TNRC18: variants seen among roughly 807,000 people sequenced by gnomAD.
TNRC18 encodes trinucleotide repeat containing 18.
TNRC18 carries 69 observed loss-of-function variants against 226.7 expected under a neutral mutation model. That is an observed-to-expected ratio of 0.30 (90% CI 0.25 to 0.37). The LOEUF (loss-of-function observed/expected upper bound fraction) is 0.37, where lower values mean the gene tolerates loss of function less well. TNRC18 is among the 10% of genes least tolerant of loss of function. The pLI, the probability that TNRC18 is intolerant of heterozygous loss-of-function variation, is 1.00. For synonymous variants in TNRC18, 2,449 were observed against 1,927.6 expected (o/e 1.27, Z -7.09); for missense variants, 4,754 against 4,256.6 (o/e 1.12, Z -3.25).
Position 5,316,686 on chromosome 7 carries a change from G to A in TNRC18, c.6746-614C>T, listed in dbSNP as rs115552455. Among the ~76,000 whole-genome samples the A allele has an allele frequency of 7.5e-3, 1,142 of 152,304 alleles. 20 individuals are homozygous for A. The highest frequency in any genetic ancestry group is 0.026 in the African/African-American group (1,070 of 41,552). ...CCTGCAACCACAGCAAAGGAGGGAC[G>A]CAGGTGTCAACCCTGAAGGACACAA... On this transcript the variant is annotated intron_variant, in intron 24 of 29. Transcript: ENST00000430969.
chr7:5,377,591 A>G lies in TNRC18; in HGVS notation c.2256-15T>C, dbSNP rs1291546929. The G allele has an allele frequency of 6.4e-7, 1 of 1,564,720 alleles. No homozygotes were observed. The highest frequency in any genetic ancestry group is 2.4e-5 in the East Asian group (1 of 42,224). ...CCTTACTCTCTCTGGAAGGAGGATC[A>G]TAGGTGTCAGCGACAGCTCGGACAG... On this transcript the variant is annotated splice_polypyrimidine_tract_variant and intron_variant, in intron 6 of 29. Coordinates refer to ENST00000430969, the MANE Select transcript of TNRC18 (RefSeq NM_001080495.3). The surrounding 1 kb of genome is among the most constrained non-coding windows in gnomAD (Gnocchi z 5.8).
Position 5,323,224 on chromosome 7 carries a change from C to T in TNRC18, c.6442+990G>A, listed in dbSNP as rs561467583. ...GCTCCCCCATCCATACCCACGATTT[C>T]GCCTCTGGGCTACAGACCCCTGGGT... On this transcript the variant is annotated intron_variant, in intron 21 of 29. Coordinates refer to ENST00000430969, the MANE Select transcript of TNRC18 (RefSeq NM_001080495.3). 1.7e-3 allele frequency among the ~76,000 whole-genome samples: 264 copies of T among 152,234 alleles called. 1 individual carries two copies. The highest frequency in any genetic ancestry group is 3.2e-3 in the Non-Finnish European group (219 of 68,008).
At position 5,387,699 on chromosome 7, in the gene TNRC18, G is replaced by T; in HGVS notation, c.2125C>A (p.Arg709Ser). 1 of 1,605,174 alleles carries T rather than the reference G, an allele frequency of 6.2e-7. No homozygotes were observed. Among genetic ancestry groups the T allele is most frequent in the Non-Finnish European group, 8.5e-7 (1 of 1,179,842 alleles). The change falls in exon 5 of 30, where the codon CGC becomes AGC. Residue 709 changes from arginine (R) to serine (S), a missense_variant. Physicochemically the swap from Arg to Ser is moderately radical, Grantham distance 110. Coordinates refer to ENST00000430969, the MANE Select transcript of TNRC18 (RefSeq NM_001080495.3). ...TTGACGTTACTCAGCGACAGAGAGCGCTCCTGGTCTACCAGCCCAGGCCCC... is the reference window on the plus strand; with the variant it reads ...TTGACGTTACTCAGCGACAGAGAGCTCTCCTGGTCTACCAGCCCAGGCCCC... ...RLGPGLVDQE[R>S]SLSLSNVKGH...
chr7:5,393,240 T>TA (rs1454157307), intron 3 of TNRC18, among the ~76,000 whole-genome samples: 1 of 152,128 alleles, frequency 6.6e-6, no homozygotes, highest in Non-Finnish European at 1.5e-5. Context: ...CTTGGCTGGT[T>TA]AAAGTGGGAG....
In TNRC18 at chr7:5,390,622, G is replaced by C. The variant is rs200430639; in HGVS notation, c.350C>G (p.Ser117Cys). The C allele has an allele frequency of 2.4e-4, 375 of 1,569,280 alleles. No homozygotes were observed. The highest frequency in any genetic ancestry group is 3.1e-4 in the Non-Finnish European group (354 of 1,157,976). Residue 117 changes from serine to cysteine, a missense_variant, in exon 4 of 30, where the codon TCC becomes TGC. Physicochemically the swap from Ser to Cys is moderately radical, Grantham distance 112. Coordinates refer to ENST00000430969, the MANE Select transcript of TNRC18 (RefSeq NM_001080495.3). ...TGGGTACAGCCCACTGGGCAGGTGG[G>C]AGAAGCCTGTAACAGAAAAGAGAAA... ...LWAAHAHEGF[S>C]HLPSGLYPSY...
chr7:5,353,891 G>A (rs1792091036), intron 16 of TNRC18, among the ~76,000 whole-genome samples: 1 of 152,164 alleles, frequency 6.6e-6, no homozygotes, highest in African/African-American at 2.4e-5. Context: ...CAGGCACGAT[G>A]GAGTGAAGTT....
At chr7:5,342,690 T>C (rs1490460691) in intron 18 of TNRC18, among the ~76,000 whole-genome samples, 2 of 152,220 alleles carry the variant, frequency 1.3e-5, no homozygotes, top group East Asian at 3.8e-4. Flanking sequence ...CTGTGAACAC[T>C]GTTGAAATGA....
chr7:5,364,461 AAACACACACAC>A (rs796677864), intron 11 of TNRC18, among the ~76,000 whole-genome samples: 2,929 of 124,932 alleles, frequency 0.023, 74 homozygotes, highest in South Asian at 0.073. Flanking sequence ...GTCTCAAAGA[AAACACACACAC>A]ACACACACAC....
intron 17 of TNRC18, among the ~76,000 whole-genome samples, chr7:5,346,519 T>C (rs1022180815): frequency 3.3e-5 from 5 of 152,100 alleles, no homozygotes; most frequent in African/African-American, 1.2e-4. Context: ...TAAAATAAAG[T>C]TGACCCCAGC....
rs779388262 is a variant in TNRC18, at chr7:5,313,305, G to A, written c.7586C>T (p.Pro2529Leu). 6 of 1,548,722 alleles carry A rather than the reference G, an allele frequency of 3.9e-6. No homozygotes were observed. Among genetic ancestry groups the A allele is most frequent in the East Asian group, 4.9e-5 (2 of 40,928 alleles). Residue 2529 changes from proline to leucine, a missense_variant, in exon 27 of 30, where the codon CCC (proline) becomes CTC (leucine). Transcript: ENST00000430969. ...KATDGDLAQEPGPGLTFEDSG... is the reference protein window; with the variant it reads ...KATDGDLAQELGPGLTFEDSG... Reference sequence around the variant, plus strand: ...GTCCTCGAACGTGAGCCCCGGCCCGGGCTCCTGGGCGAGGTCCCCGTCGGT... The same window carrying A: ...GTCCTCGAACGTGAGCCCCGGCCCGAGCTCCTGGGCGAGGTCCCCGTCGGT...
At chr7:5,367,997 T>C (rs1793775737) in intron 11 of TNRC18, among the ~76,000 whole-genome samples, 1 of 148,808 alleles carries the variant, frequency 6.7e-6, no homozygotes, top group Non-Finnish European at 1.5e-5. Flanking sequence ...AAATCAGAGA[T>C]ACGGACAAAG....
Position 5,355,378 on chromosome 7 carries a change from A to T in TNRC18, c.5194+1538T>A, listed in dbSNP as rs141837071. 1.3e-3 allele frequency among the ~76,000 whole-genome samples: 195 copies of T among 152,352 alleles called. 2 individuals are homozygous for T. The highest frequency in any genetic ancestry group is 4.6e-3 in the African/African-American group (190 of 41,596). On this transcript the variant is annotated intron_variant, in intron 16 of 29. Coordinates refer to ENST00000430969, the MANE Select transcript of TNRC18 (RefSeq NM_001080495.3). ...CAAGGCAGCTCACGCCTGTAATCCC[A>T]GCACTTTGGGAGGCTGAGGCAGGAG...
intron 11 of TNRC18, among the ~76,000 whole-genome samples, chr7:5,366,010 G>T (rs1478431368): frequency 6.6e-6 from 1 of 152,166 alleles, no homozygotes; most frequent in Non-Finnish European, 1.5e-5. Context: ...GGCGGAGACT[G>T]CGGTGAGCCG....
chr7:5,330,657 A>G (rs1349829740), intron 19 of TNRC18, among the ~76,000 whole-genome samples: 2 of 152,070 alleles, frequency 1.3e-5, no homozygotes, highest in East Asian at 3.9e-4. Flanking sequence ...TGGGCCTACT[A>G]TGTGCTACCT....
chr7:5,394,691 C>G lies in TNRC18; in HGVS notation c.188-96G>C. ...CGACCCACCGCCCCGAGACCGCCGC[C>G]TCTCCCCAGCTGTGTGGAGCTGATG... On this transcript the variant is annotated intron_variant, in intron 2 of 29. Transcript: ENST00000430969. The surrounding 1 kb of genome is among the most constrained non-coding windows in gnomAD (Gnocchi z 4.5). 1 of 907,632 alleles carries G rather than the reference C, an allele frequency of 1.1e-6. No individual in the cohort carries two copies. Among genetic ancestry groups the G allele is most frequent in the South Asian group, 1.5e-5 (1 of 65,794 alleles). The allele number at this position is 907,632 out of a possible 1,614,324, so 56.2% of individuals were successfully genotyped here. A position where few individuals can be genotyped will look rare whatever the true frequency, so the allele number is the denominator to read the frequency against.
intron 2 of TNRC18, among the ~76,000 whole-genome samples, chr7:5,417,498 A>G (rs745993381): frequency 6.6e-5 from 10 of 152,104 alleles, no homozygotes; most frequent in Non-Finnish European, 1.2e-4. Flanking sequence ...CAAACAAAAA[A>G]CATTTCCTTC....
intron 26 of TNRC18, among the ~76,000 whole-genome samples, chr7:5,314,612 G>A (rs1482288923): frequency 1.0e-4 from 13 of 124,650 alleles, no homozygotes; most frequent in East Asian, 5.0e-4. Context: ...CGCTCTTGTC[G>A]CCCAGGCTGG....
In TNRC18 at chr7:5,377,314, C is replaced by CCCCCCCCCCCCCCCCCCCCCA; in HGVS notation, c.2461+56_2461+57insTGGGGGGGGGGGGGGGGGGGG. ...CCAGCCCTGAGCTCTTGTCCTGCAC[C>CCCCCCCCCCCCCCCCCCCCCA]CGCCCCCTCCCACCCCTCCCTCAGA... On this transcript the variant is annotated intron_variant, in intron 7 of 29. Coordinates refer to ENST00000430969, the MANE Select transcript of TNRC18 (RefSeq NM_001080495.3). The surrounding 1 kb of genome is among the most constrained non-coding windows in gnomAD (Gnocchi z 5.8). 8.1e-7 allele frequency: 1 copy of CCCCCCCCCCCCCCCCCCCCCA among 1,231,890 alleles called. No individual in the cohort carries two copies. Among genetic ancestry groups the CCCCCCCCCCCCCCCCCCCCCA allele is most frequent in the Non-Finnish European group, 1.1e-6 (1 of 891,974 alleles). The allele number at this position is 1,231,890 out of a possible 1,614,324, so 76.3% of individuals were successfully genotyped here.
chr7:5,326,126 C>G (rs1477398697), intron 19 of TNRC18, among the ~76,000 whole-genome samples: 1 of 152,066 alleles, frequency 6.6e-6, no homozygotes, highest in Non-Finnish European at 1.5e-5. Context: ...CAGTGACCCT[C>G]CTACCAACTC....
Sources: gnomAD v4.1 joint callset for allele counts (sites outside exome capture counted in the v4.1 genomes callset) on GRCh38, gnomAD v4.1.1 for gene constraint, Gnocchi (gnomAD v3.1) non-coding constraint, MANE v1.5 for transcripts, NCBI Gene and HGNC (gene_info 2026-07-23, HGNC 2026-07-21) for gene names.